The following TTC38 variants were observed in gnomAD, a reference collection of about 807,000 sequenced individuals.
TTC38 encodes the protein tetratricopeptide repeat domain 38.
In TTC38, 64 loss-of-function variants were observed where a neutral mutation model predicts 64.2. The observed-to-expected ratio is 1.00, with a 90% CI of 0.81 to 1.23. The LOEUF (loss-of-function observed/expected upper bound fraction) is 1.23, where lower values mean the gene tolerates loss of function less well. Ranked by LOEUF, TTC38 falls within the 50% of genes most tolerant of loss-of-function variation. The pLI, the probability that TTC38 is intolerant of heterozygous loss-of-function variation, is 0.00. For synonymous variants in TTC38, 254 were observed against 249.3 expected (o/e 1.02, Z -0.18); for missense variants, 573 against 615.5 (o/e 0.93, Z 0.73).
At chr22:46,285,201 C>T (rs748274923) in intron 8 of TTC38, 40 bp from the exon 9 acceptor site, 4 of 1,602,444 alleles carry the variant, frequency 2.5e-6, no homozygotes, top group South Asian at 2.2e-5. Flanking sequence ...TTACACTTTG[C>T]CTTCTCCAGG....
chr22:46,289,651 G>T, intron 12 of TTC38, 90 bp downstream of exon 12: 1 of 1,510,780 alleles, frequency 6.6e-7, no homozygotes, highest in Non-Finnish European at 9.0e-7. Context: ...CATGGTGTTG[G>T]TGCCAACAAT....
rs555057566 is a variant in TTC38, at chr22:46,286,376, G to A, written c.835-697G>A. Among the ~76,000 whole-genome samples the A allele has an allele frequency of 1.6e-3, 244 of 152,078 alleles. 1 individual carries two copies. The highest frequency in any genetic ancestry group is 5.8e-3 in the African/African-American group (239 of 41,492). Reference sequence around the variant, plus strand: ...AGGAAGCTGTAGTAAGAAATGAAGGGTGGGCCGGGCACGGTGGCTCACACA... The same window carrying A: ...AGGAAGCTGTAGTAAGAAATGAAGGATGGGCCGGGCACGGTGGCTCACACA... On this transcript the variant is annotated intron_variant, in intron 9 of 13. Transcript: ENST00000381031.
In TTC38 at chr22:46,272,510, G is replaced by A; in HGVS notation, c.193+94G>A. ...CAGGGACACAGTTGGGATGGGGAAG[G>A]CAGGTTGGGTGGCAGCAACCAGGGT... is the stretch of plus-strand genomic sequence containing the variant. On this transcript the variant is annotated intron_variant, in intron 3 of 13. Coordinates refer to ENST00000381031, the MANE Select transcript of TTC38 (RefSeq NM_017931.4). This position sits in a 1 kb window ranked among gnomAD's most constrained non-coding sequence, Gnocchi z 6.4. The A allele has an allele frequency of 1.8e-6, 2 of 1,124,744 alleles. No homozygotes were observed. Among genetic ancestry groups the A allele is most frequent in the Non-Finnish European group, 2.6e-6 (2 of 755,778 alleles). 69.7% of individuals were successfully genotyped at this position (1,124,744 alleles called of 1,614,324 possible). A position where few individuals can be genotyped will look rare whatever the true frequency, so the allele number is the denominator to read the frequency against.
chr22:46,268,139 G>C (rs1936803122), intron 1 of TTC38, 67 bp downstream of exon 1: 1 of 1,492,588 alleles, frequency 6.7e-7, no homozygotes, highest in South Asian at 1.2e-5. Context: ...CCCGGTGCTG[G>C]CGGAATAACG....
rs2077489875 is a variant in TTC38 at position 46,276,729 on chromosome 22, TTAAAAAA to T, written c.539+1309_539+1315del. On this transcript the variant is annotated intron_variant, in intron 5 of 13. Coordinates refer to ENST00000381031, the MANE Select transcript of TTC38 (RefSeq NM_017931.4). The surrounding 1 kb of genome is among the most constrained non-coding windows in gnomAD (Gnocchi z 4.7). ...AATATATATATTAAAAATATATATA[TTAAAAAA>T]ATATATATAAAATACATATATTAAA... Among the ~76,000 whole-genome samples the T allele has an allele frequency of 7.2e-6, 1 of 139,566 alleles. No homozygotes were observed. The highest frequency in any genetic ancestry group is 1.5e-5 in the Non-Finnish European group (1 of 66,090). 91.6% of individuals were successfully genotyped at this position (139,566 alleles called of 152,430 possible).
intron 11 of TTC38, 32 bp from the exon 12 acceptor site, chr22:46,289,370 A>G (rs1424561090): frequency 3.4e-5 from 55 of 1,598,686 alleles, no homozygotes; most frequent in Non-Finnish European, 4.3e-5. Context: ...TGTGATGGGC[A>G]GGCAGCTGAG....
chr22:46,286,819 G>A (rs1321053139), intron 9 of TTC38, among the ~76,000 whole-genome samples: 1 of 152,200 alleles, frequency 6.6e-6, no homozygotes. Flanking sequence ...CAGATGCTTT[G>A]GGCCTGGCCT....
chr22:46,287,280 G>T (rs1180144996), intron 10 of TTC38, 126 bp downstream of exon 10: 3 of 753,902 alleles, frequency 4.0e-6, no homozygotes, highest in African/African-American at 1.8e-5. Context: ...CCCTCTGCAG[G>T]CCTGGCCACT....
In TTC38 at chr22:46,273,833, G is replaced by C; in HGVS notation, c.194-65G>C. ...GTGGGGTGTCTCTGTGACATGTGGA[G>C]TCTGGGCTGGGATGGGCTGAGCTGG... On this transcript the variant is annotated intron_variant, in intron 3 of 13. Transcript: ENST00000381031. The surrounding 1 kb of genome is among the most constrained non-coding windows in gnomAD (Gnocchi z 5.1). 1.9e-6 allele frequency: 3 copies of C among 1,561,288 alleles called. No homozygotes were observed. The highest frequency in any genetic ancestry group is 2.6e-6 in the Non-Finnish European group (3 of 1,139,228).
chr22:46,292,699 C>A lies in TTC38; in HGVS notation c.1317-92C>A. The A allele has an allele frequency of 8.6e-7, 1 of 1,166,918 alleles. No individual in the cohort carries two copies. The highest frequency in any genetic ancestry group is 1.3e-6 in the Non-Finnish European group (1 of 784,716). 72.3% of individuals were successfully genotyped at this position (1,166,918 alleles called of 1,614,324 possible). ...TGTTCCCTCAGTGCCGCAGTCTAGC[C>A]TGCCTGTGTTCTGCCTTGGGACCAA... On this transcript the variant is annotated intron_variant, in intron 13 of 13. Transcript: ENST00000381031. The surrounding 1 kb of genome is among the most constrained non-coding windows in gnomAD (Gnocchi z 6.5).
chr22:46,290,576 T>G (rs1460966670), intron 13 of TTC38, among the ~76,000 whole-genome samples: 4 of 83,984 alleles, frequency 4.8e-5, no homozygotes, highest in African/African-American at 1.0e-4. Context: ...GGCTGGAGGG[T>G]GAGTGTTAGG....
At position 46,272,440 on chromosome 22, in the gene TTC38, G is replaced by A. The variant is rs1455775358; in HGVS notation, c.193+24G>A. ...TGGTGAGTAACGCCTTCCCTGGGTG[G>A]AGGAGCCCCGCTTCACACATCCAGC... On this transcript the variant is annotated intron_variant, in intron 3 of 13. Coordinates refer to ENST00000381031, the MANE Select transcript of TTC38 (RefSeq NM_017931.4). The surrounding 1 kb of genome is among the most constrained non-coding windows in gnomAD (Gnocchi z 6.4). The A allele has an allele frequency of 1.3e-6, 2 of 1,584,540 alleles. No homozygotes were observed. Among genetic ancestry groups the A allele is most frequent in the East Asian group, 2.2e-5 (1 of 44,722 alleles).
At position 46,275,494 on chromosome 22, in the gene TTC38, C is replaced by G; in HGVS notation, c.539+73C>G. Reference sequence around the variant, plus strand: ...TTTCTGCCCTAAAAATATGGTGACTCTCTTGGCCCTGTCCTAAAAATAATG... The same window carrying G: ...TTTCTGCCCTAAAAATATGGTGACTGTCTTGGCCCTGTCCTAAAAATAATG... On this transcript the variant is annotated intron_variant, in intron 5 of 13. Coordinates refer to ENST00000381031, the MANE Select transcript of TTC38 (RefSeq NM_017931.4). The surrounding 1 kb of genome is among the most constrained non-coding windows in gnomAD (Gnocchi z 4.5). 2 of 1,446,462 alleles carry G rather than the reference C, an allele frequency of 1.4e-6. No homozygotes were observed. Among genetic ancestry groups the G allele is most frequent in the Non-Finnish European group, 9.4e-7 (1 of 1,060,284 alleles). 89.6% of individuals were successfully genotyped at this position (1,446,462 alleles called of 1,614,324 possible). A position where few individuals can be genotyped will look rare whatever the true frequency, so the allele number is the denominator to read the frequency against.
intron 6 of TTC38, among the ~76,000 whole-genome samples, chr22:46,280,607 C>T (rs1411389782): frequency 3.3e-5 from 5 of 152,240 alleles, no homozygotes. Context: ...CCCACGGTCC[C>T]CTACAGACAC....
intron 13 of TTC38, among the ~76,000 whole-genome samples, chr22:46,290,775 T>C (rs1306922175): frequency 6.6e-6 from 1 of 152,092 alleles, no homozygotes; most frequent in East Asian, 1.9e-4. Context: ...CCAGCAGCCT[T>C]GGTGCTTCCA....
Position 46,275,150 on chromosome 22 carries a change from T to G in TTC38, c.366-98T>G. ...ACTGATTTTTAAAAAAACACATCCA[T>G]GTAGACCATGACACTGGTGAGAAAC... On this transcript the variant is annotated intron_variant, in intron 4 of 13. Coordinates refer to ENST00000381031, the MANE Select transcript of TTC38 (RefSeq NM_017931.4). The surrounding 1 kb of genome is among the most constrained non-coding windows in gnomAD (Gnocchi z 4.5). The G allele has an allele frequency of 8.2e-7, 1 of 1,213,048 alleles. No individual in the cohort carries two copies. Among genetic ancestry groups the G allele is most frequent in the Non-Finnish European group, 1.2e-6 (1 of 857,164 alleles). The allele number at this position is 1,213,048 out of a possible 1,614,324, so 75.1% of individuals were successfully genotyped here.
chr22:46,290,125 T>G (rs1027480621), intron 13 of TTC38, among the ~76,000 whole-genome samples: 21 of 142,504 alleles, frequency 1.5e-4, no homozygotes, highest in South Asian at 7.5e-4. Flanking sequence ...CCCAGCCCAC[T>G]CCCTTTTAGC....
chr22:46,268,831 C>T (rs1441809712), intron 2 of TTC38: 9 of 467,310 alleles, frequency 1.9e-5, no homozygotes, highest in Non-Finnish European at 3.1e-5. Context: ...ACTACAGGCG[C>T]CCGCCACTGC....
chr22:46,277,352 C>G (rs950528412), intron 5 of TTC38, among the ~76,000 whole-genome samples: 2 of 152,108 alleles, frequency 1.3e-5, no homozygotes, highest in Non-Finnish European at 2.9e-5. Context: ...TGCCTGGAAT[C>G]CCAGCACTTT....
Sources: gnomAD v4.1 joint callset for allele counts (sites outside exome capture counted in the v4.1 genomes callset) on GRCh38, gnomAD v4.1.1 for gene constraint, Gnocchi (gnomAD v3.1) non-coding constraint, MANE v1.5 for transcripts, NCBI Gene and HGNC (gene_info 2026-07-23, HGNC 2026-07-21) for gene names.